The following AKAP13 variants were observed in gnomAD, a reference collection of about 807,000 sequenced individuals.
AKAP13 encodes the protein A-kinase anchor protein 13.
Under a neutral mutation model 264.5 loss-of-function variants are expected in AKAP13, and 80 were observed. The observed-to-expected ratio is 0.30, with a 90% CI of 0.25 to 0.36. AKAP13 has a LOEUF of 0.36. Ranked by LOEUF, AKAP13 falls within the 10% of genes least tolerant of loss-of-function variation. The probability of loss-of-function intolerance (pLI) is 1.00; values close to 1 mark genes in which losing one functional copy is unlikely to be tolerated. For synonymous variants in AKAP13, 1,380 were observed against 1,250.2 expected (o/e 1.10, Z -2.19); for missense variants, 3,712 against 3,435.2 (o/e 1.08, Z -2.01).
rs750882782 is a variant in AKAP13, at chr15:85,749,129, T to C, written c.*4452T>C. The C allele has an allele frequency of 1.3e-5, 2 of 152,258 alleles. No individual in the cohort carries two copies. The highest frequency in any genetic ancestry group is 2.4e-5 in the African/African-American group (1 of 41,470). 9.4% of individuals were successfully genotyped at this position (152,258 alleles called of 1,614,324 possible). A position where few individuals can be genotyped will look rare whatever the true frequency, so the allele number is the denominator to read the frequency against. On this transcript the variant is annotated 3_prime_UTR_variant, in exon 37 of 37. Coordinates refer to ENST00000394518, the MANE Select transcript of AKAP13 (RefSeq NM_007200.5). The stretch of plus-strand genomic sequence containing the variant: ...ATGGACATTTGTGTGCTAAATCCTA[T>C]TAAATAAAAAAGACGGGTTAAAACC...
intron 1 of AKAP13, among the ~76,000 whole-genome samples, chr15:85,442,423 A>T (rs10162931): frequency 0.43 from 45,536 of 105,724 alleles, 10,965 homozygotes; most frequent in Middle Eastern, 0.59. Context: ...AAAAAAAAAA[A>T]ATATATATAT....
rs111469104 is a variant in AKAP13, at chr15:85,487,376, A to G, written c.33+1623A>G. ...AGCATCCAAGCTTTCACCAGTAAGT[A>G]TGATGTTGTTAGGTGTGGGTTTTTC... On this transcript the variant is annotated intron_variant, in intron 2 of 36. Transcript: ENST00000394518. Among the ~76,000 whole-genome samples the G allele has an allele frequency of 8.5e-5, 13 of 152,306 alleles. No homozygotes were observed. In the Middle Eastern group the frequency reaches 0.017, roughly 199 times the overall value.
Position 85,664,755 on chromosome 15 carries a change from G to A in AKAP13, c.4992G>A (p.Gln1664=). 1 of 1,610,228 alleles carries A rather than the reference G, an allele frequency of 6.2e-7. No homozygotes were observed. The highest frequency in any genetic ancestry group is 8.5e-7 in the Non-Finnish European group (1 of 1,178,342). The change falls in exon 13 of 37, where the codon CAG becomes CAA. Residue 1664 remains glutamine (Q), a splice_region_variant and synonymous_variant. Coordinates refer to ENST00000394518, the MANE Select transcript of AKAP13 (RefSeq NM_007200.5). ...GAGAACATAGGATGTTTGATCAGCA[G>A]GTAAGTCTTAAATATGTCTAATTTG... The part of the protein sequence containing the change: ...DQREHRMFDQ[Q]ICHRSKQQGF...
intron 17 of AKAP13, among the ~76,000 whole-genome samples, chr15:85,694,965 CT>C (rs796328058): frequency 4.8e-4 from 71 of 146,448 alleles, no homozygotes; most frequent in Admixed American, 7.5e-4. Flanking sequence ...GATTTTTTTT[CT>C]TTTTTTTTTT....
chr15:85,451,466 T>C (rs2074086622), intron 1 of AKAP13, among the ~76,000 whole-genome samples: 1 of 152,198 alleles, frequency 6.6e-6, no homozygotes, highest in Non-Finnish European at 1.5e-5. Context: ...TTTACAGTGA[T>C]ACTGGTGTCT....
intron 6 of AKAP13, among the ~76,000 whole-genome samples, chr15:85,575,822 C>G (rs1401712631): frequency 6.6e-6 from 1 of 152,204 alleles, no homozygotes; most frequent in Non-Finnish European, 1.5e-5. Flanking sequence ...TGGAGAAACT[C>G]TGGCTCTACA....
intron 1 of AKAP13, among the ~76,000 whole-genome samples, chr15:85,406,185 T>C (rs780773530): frequency 1.3e-5 from 2 of 152,188 alleles, no homozygotes; most frequent in Non-Finnish European, 2.9e-5. Context: ...CTAGAGTGGA[T>C]AAATAAACTA....
intron 1 of AKAP13, among the ~76,000 whole-genome samples, chr15:85,451,643 CT>C (rs2074093469): frequency 1.3e-5 from 2 of 152,136 alleles, no homozygotes; most frequent in Admixed American, 6.5e-5. Flanking sequence ...TTTAGTTTGG[CT>C]GGATATGAAA....
chr15:85,744,669 T>A lies in AKAP13; in HGVS notation c.8434T>A (p.Phe2812Ile). 1 of 1,609,274 alleles carries A rather than the reference T, an allele frequency of 6.2e-7. No homozygotes were observed. The highest frequency in any genetic ancestry group is 1.1e-5 in the South Asian group (1 of 90,332). The change falls in exon 37 of 37, where the codon TTC (phenylalanine) becomes ATC (isoleucine). Residue 2812 changes from phenylalanine to isoleucine, a missense_variant. Coordinates refer to ENST00000394518, the MANE Select transcript of AKAP13 (RefSeq NM_007200.5). ...SEVSAEGEEI[F>I]C ...AGTATCAGCAGAGGGTGAAGAGATC[T>A]TCTGCTGACCCTCTTCCTCTCTGCT... is the stretch of plus-strand genomic sequence containing the variant.
At chr15:85,658,368 G>A (rs1176137414) in intron 11 of AKAP13, among the ~76,000 whole-genome samples, 169 bp from the exon 12 acceptor site, 3 of 152,094 alleles carry the variant, frequency 2.0e-5, no homozygotes, top group Non-Finnish European at 4.4e-5. Flanking sequence ...AAACTGTCAG[G>A]CCCTTTTGGT....
chr15:85,619,559 TAAGC>T (rs1276126728), intron 8 of AKAP13: 1 of 985,314 alleles, frequency 1.0e-6, no homozygotes, highest in Non-Finnish European at 1.2e-6. Flanking sequence ...GTTTTTGTTT[TAAGC>T]AAGAACAGAA....
At chr15:85,525,911 T>C (rs1452404407) in intron 3 of AKAP13, among the ~76,000 whole-genome samples, 1 of 152,188 alleles carries the variant, frequency 6.6e-6, no homozygotes, top group Non-Finnish European at 1.5e-5. Flanking sequence ...ACAGGATGTT[T>C]AGTGGGTTTT....
At chr15:85,595,345 C>T (rs1488701705) in intron 8 of AKAP13, among the ~76,000 whole-genome samples, 2 of 152,130 alleles carry the variant, frequency 1.3e-5, no homozygotes, top group African/African-American at 2.4e-5. Flanking sequence ...GTGACCCTCC[C>T]ACCTCAGCCT....
At chr15:85,381,520 G>GGTTTTTTTTT (rs1567029535) in intron 1 of AKAP13, among the ~76,000 whole-genome samples, 1 of 44,768 alleles carries the variant, frequency 2.2e-5, no homozygotes, top group African/African-American at 7.4e-5. Flanking sequence ...ACGGTTTACT[G>GGTTTTTTTTT]CTTTTTTTTT....
rs2089412915 is a variant in AKAP13 at position 85,747,755 on chromosome 15, AC to A, written c.*3083del. The stretch of plus-strand genomic sequence containing the variant: ...TTCAACCTTTGCCAGTATTCCCTCT[AC>A]CCCCGTGAGAGCTATCTGGGGGGAA... On this transcript the variant is annotated 3_prime_UTR_variant, in exon 37 of 37. Coordinates refer to ENST00000394518, the MANE Select transcript of AKAP13 (RefSeq NM_007200.5). 6.6e-6 allele frequency: 1 copy of A among 152,530 alleles called. No individual in the cohort carries two copies. The highest frequency in any genetic ancestry group is 1.5e-5 in the Non-Finnish European group (1 of 67,998). 9.4% of individuals were successfully genotyped at this position (152,530 alleles called of 1,614,324 possible).
intron 1 of AKAP13, among the ~76,000 whole-genome samples, chr15:85,478,784 T>G (rs545579312): frequency 6.3e-4 from 96 of 152,230 alleles, no homozygotes; most frequent in African/African-American, 2.2e-3. Flanking sequence ...CATATGATAG[T>G]GGGGCAGAGC....
chr15:85,403,475 T>C (rs2071517880), intron 1 of AKAP13, among the ~76,000 whole-genome samples: 1 of 152,198 alleles, frequency 6.6e-6, no homozygotes, highest in African/African-American at 2.4e-5. Context: ...TCCCAGCCTA[T>C]TTCAAGATGG....
chr15:85,665,387 T>C lies in AKAP13; in HGVS notation c.4992+632T>C, dbSNP rs1318910291. ...TCTTGAAATACGCTACATATCGTTA[T>C]TAATTTTCCCAATTCTCTAAAACAT... is the stretch of plus-strand genomic sequence containing the variant. On this transcript the variant is annotated intron_variant, in intron 13 of 36. Coordinates refer to ENST00000394518, the MANE Select transcript of AKAP13 (RefSeq NM_007200.5). 2.6e-5 allele frequency among the ~76,000 whole-genome samples: 4 copies of C among 152,330 alleles called. No homozygotes were observed. In the East Asian group the frequency reaches 7.7e-4, roughly 29 times the overall value.
intron 34 of AKAP13, among the ~76,000 whole-genome samples, chr15:85,740,766 C>G (rs1023944513): frequency 9.2e-6 from 1 of 108,302 alleles, no homozygotes; most frequent in Non-Finnish European, 2.0e-5. Context: ...GACACACACA[C>G]ACACAACCAC....
Sources: gnomAD v4.1 joint callset for allele counts (sites outside exome capture counted in the v4.1 genomes callset) on GRCh38, gnomAD v4.1.1 for gene constraint, MANE v1.5 for transcripts, NCBI Gene and HGNC (gene_info 2026-07-23, HGNC 2026-07-21) for gene names.